OR8B3: variants seen among roughly 807,000 people sequenced by gnomAD.
OR8B3 encodes the protein olfactory receptor 8B3.
For missense variants in OR8B3, 278 were observed against 377.6 expected, an observed-to-expected ratio of 0.74 and a Z score of 2.19; for synonymous variants, 102 against 135.4, an observed-to-expected ratio of 0.75 and a Z score of 1.71.
chr11:124,405,425 C>CT, the OR8B3 span, among the ~76,000 whole-genome samples: 2 of 152,156 alleles, frequency 1.3e-5, no homozygotes, highest in African/African-American at 2.4e-5. Flanking sequence ...CCCCTAGAAT[C>CT]TTTGATTTAT....
At chr11:124,406,692 C>T in the OR8B3 span, among the ~76,000 whole-genome samples, 1 of 151,976 alleles carries the variant, frequency 6.6e-6, no homozygotes, top group African/African-American at 2.4e-5. Flanking sequence ...TAATACATTG[C>T]TTTCGTAAGC....
chr11:124,396,359 CTAAT>C lies in OR8B3; in HGVS notation c.*47_*50del. 1 of 1,468,336 alleles carries C rather than the reference CTAAT, an allele frequency of 6.8e-7. No individual in the cohort carries two copies. The highest frequency in any genetic ancestry group is 9.2e-7 in the Non-Finnish European group (1 of 1,088,602). The allele number at this position is 1,468,336 out of a possible 1,614,324, so 91.0% of individuals were successfully genotyped here. Reference sequence around the variant, plus strand: ...CAACAAAATCTCTTCATGGAACACACTAATAAAAATTTAAAGTTCTTCAATCGTT... The same window carrying C: ...CAACAAAATCTCTTCATGGAACACACAAAAATTTAAAGTTCTTCAATCGTT... On this transcript the variant is annotated 3_prime_UTR_variant, in exon 2 of 2. Coordinates refer to ENST00000641139, the MANE Select transcript of OR8B3 (RefSeq NM_001005467.2).
At chr11:124,409,343 T>C in the OR8B3 span, among the ~76,000 whole-genome samples, 2 of 152,246 alleles carry the variant, frequency 1.3e-5, no homozygotes, top group Non-Finnish European at 2.9e-5. Flanking sequence ...ATCCTGGCTC[T>C]GCCACTAGTT....
chr11:124,402,509 G>T (rs1165422636), upstream of OR8B3, among the ~76,000 whole-genome samples: 8 of 152,098 alleles, frequency 5.3e-5, no homozygotes, highest in East Asian at 1.5e-3. Context: ...CCTCCACCAG[G>T]GGGTGCTGGT....
rs1425380718 is a variant in OR8B3, at chr11:124,397,248, T to C, written c.104A>G (p.Tyr35Cys). 1.9e-6 allele frequency: 3 copies of C among 1,547,778 alleles called. No individual in the cohort carries two copies. Among genetic ancestry groups the C allele is most frequent in the Non-Finnish European group, 2.7e-6 (3 of 1,131,550 alleles). Reference protein sequence around the residue: ...QPLFFLFLVVYIVTMVGNLGL... With the variant: ...QPLFFLFLVVCIVTMVGNLGL... Reference sequence around the variant, plus strand: ...AAGGTTGCCTACCATGGTGACAATGTAGACCACTAGAAACAGGAAAAAGAG... The same window carrying C: ...AAGGTTGCCTACCATGGTGACAATGCAGACCACTAGAAACAGGAAAAAGAG... Residue 35 changes from tyrosine (Y) to cysteine (C), a missense_variant, in exon 2 of 2, where the codon TAC becomes TGC. Tyr to Cys is a radical substitution (Grantham distance 194). Coordinates refer to ENST00000641139, the MANE Select transcript of OR8B3 (RefSeq NM_001005467.2).
At chr11:124,406,303 T>TG in the OR8B3 span, among the ~76,000 whole-genome samples, 953 of 152,246 alleles carry the variant, frequency 6.3e-3, 12 homozygotes, top group African/African-American at 0.022. Flanking sequence ...TTGATTGCCG[T>TG]GGGGGTTAAA....
chr11:124,401,222 C>CAGAGACAG (rs1555071084), upstream of OR8B3, among the ~76,000 whole-genome samples: 2 of 142,398 alleles, frequency 1.4e-5, no homozygotes, highest in African/African-American at 5.5e-5. Flanking sequence ...TGCAAAGAGA[C>CAGAGACAG]AGAGAGAGAG....
upstream of OR8B3, among the ~76,000 whole-genome samples, chr11:124,400,280 TATTAA>T (rs768604918): frequency 1.6e-4 from 25 of 152,218 alleles, no homozygotes; most frequent in African/African-American, 5.5e-4. Flanking sequence ...ATCATGAAAT[TATTAA>T]ATTAAGATCA....
At chr11:124,406,667 C>G in the OR8B3 span, among the ~76,000 whole-genome samples, 3 of 152,088 alleles carry the variant, frequency 2.0e-5, no homozygotes, top group African/African-American at 4.8e-5. Flanking sequence ...AAATCTTGCT[C>G]TGGTCTTTCC....
At chr11:124,400,253 T>G (rs918257514), upstream of OR8B3, among the ~76,000 whole-genome samples, 2 of 152,230 alleles carry the variant, frequency 1.3e-5, no homozygotes, top group Non-Finnish European at 2.9e-5. Context: ...CAATGTGGTG[T>G]TTTGATAAAT....
chr11:124,403,883 G>A (rs561676290), upstream of OR8B3, among the ~76,000 whole-genome samples: 3 of 152,212 alleles, frequency 2.0e-5, no homozygotes, highest in Non-Finnish European at 4.4e-5. Flanking sequence ...GGCCGAGGCT[G>A]GCAGATCACT....
chr11:124,401,130 T>G (rs572307499), upstream of OR8B3, among the ~76,000 whole-genome samples: 3 of 152,112 alleles, frequency 2.0e-5, no homozygotes, highest in Non-Finnish European at 4.4e-5. Context: ...TCTTGGCTAA[T>G]GATTCTAGAG....
the OR8B3 span, among the ~76,000 whole-genome samples, chr11:124,405,658 G>A: frequency 1.3e-5 from 2 of 152,158 alleles, no homozygotes; most frequent in African/African-American, 4.8e-5. Flanking sequence ...TTGAAAACTT[G>A]CCCAGAAGGC....
Position 124,396,746 on chromosome 11 carries a change from A to G in OR8B3, c.606T>C (p.Val202=). ...TGGGTACCATGATATTAATACCCACAACAATGAGAACAACCACCTCGTTGA... is the reference window on the plus strand; with the variant it reads ...TGGGTACCATGATATTAATACCCACGACAATGAGAACAACCACCTCGTTGA... The part of the protein sequence containing the change: ...TYVNEVVVLI[V]VGINIMVPSC... The change falls in exon 2 of 2, where the codon GTT becomes GTC. Residue 202 remains valine, a synonymous_variant. Coordinates refer to ENST00000641139, the MANE Select transcript of OR8B3 (RefSeq NM_001005467.2). The G allele has an allele frequency of 2.5e-6, 4 of 1,613,950 alleles. No homozygotes were observed. Among genetic ancestry groups the G allele is most frequent in the Non-Finnish European group, 3.4e-6 (4 of 1,179,876 alleles).
At chr11:124,398,436 A>G (rs1174759072) in intron 1 of OR8B3, among the ~76,000 whole-genome samples, 11 of 152,308 alleles carry the variant, frequency 7.2e-5, no homozygotes, top group African/African-American at 2.2e-4. Context: ...TGTATAGCAC[A>G]TGTCAATATA....
upstream of OR8B3, among the ~76,000 whole-genome samples, chr11:124,401,778 C>T (rs968834484): frequency 6.6e-6 from 1 of 152,198 alleles, no homozygotes; most frequent in Non-Finnish European, 1.5e-5. Context: ...TGATCTAGGG[C>T]TTCTGCTTGG....
chr11:124,397,900 G>A (rs1860917504), intron 1 of OR8B3, among the ~76,000 whole-genome samples: 1 of 151,924 alleles, frequency 6.6e-6, no homozygotes, highest in Admixed American at 6.6e-5. Context: ...TCATGATATT[G>A]GTCTGGCTGG....
chr11:124,400,757 C>T (rs921510965), upstream of OR8B3, among the ~76,000 whole-genome samples: 3 of 151,860 alleles, frequency 2.0e-5, no homozygotes, highest in South Asian at 4.2e-4. Context: ...AGGCTGGTCT[C>T]GAACTCCTGG....
At chr11:124,403,223 A>T (rs1861024803), upstream of OR8B3, among the ~76,000 whole-genome samples, 1 of 152,100 alleles carries the variant, frequency 6.6e-6, no homozygotes, top group South Asian at 2.1e-4. Flanking sequence ...TCCCATGTCT[A>T]CTTCTTTCTG....
Sources: gnomAD v4.1 joint callset for allele counts (sites outside exome capture counted in the v4.1 genomes callset) on GRCh38, gnomAD v4.1.1 for gene constraint, MANE v1.5 for transcripts, NCBI Gene and HGNC (gene_info 2026-07-23, HGNC 2026-07-21) for gene names.